LINGO2: variants seen among roughly 807,000 people sequenced by gnomAD.
LINGO2 encodes the protein leucine rich repeat and Ig domain containing 2.
LINGO2 carries 14 observed loss-of-function variants against 30.6 expected under a neutral mutation model. The observed-to-expected ratio is 0.46, with a 90% CI of 0.30 to 0.72. LINGO2 has a LOEUF of 0.72. LINGO2 is among the 30% of genes least tolerant of loss of function. LINGO2 has a pLI of 0.07. For missense variants in LINGO2, 729 were observed against 751.7 expected (o/e 0.97, Z 0.35); for synonymous variants, 317 against 288.5 (o/e 1.10, Z -1.00).
At chr9:28,162,761 T>A (rs1045809992) in intron 4 of LINGO2, among the ~76,000 whole-genome samples, 1 of 152,118 alleles carries the variant, frequency 6.6e-6, no homozygotes, top group African/African-American at 2.4e-5. Context: ...GAGATCCTAC[T>A]ATGTGGCTGT....
At chr9:28,756,006 C>G in the LINGO2 span, among the ~76,000 whole-genome samples, 2 of 152,016 alleles carry the variant, frequency 1.3e-5, no homozygotes, top group African/African-American at 2.4e-5. Flanking sequence ...GAACCATAAT[C>G]TCAATAATTA....
chr9:28,312,436 A>G (rs529112483), intron 3 of LINGO2, among the ~76,000 whole-genome samples: 2 of 152,158 alleles, frequency 1.3e-5, no homozygotes, highest in African/African-American at 4.8e-5. Context: ...AATTTTCAGG[A>G]AAAAATCACG....
At chr9:28,524,103 A>T (rs1391641756) in intron 1 of LINGO2, among the ~76,000 whole-genome samples, 1 of 152,168 alleles carries the variant, frequency 6.6e-6, no homozygotes, top group Non-Finnish European at 1.5e-5. Context: ...TAGAATTGAG[A>T]CTCATTATAA....
the LINGO2 span, among the ~76,000 whole-genome samples, chr9:29,156,685 G>A: frequency 2.6e-5 from 4 of 151,992 alleles, no homozygotes; most frequent in East Asian, 3.9e-4. Context: ...CATTACTAAC[G>A]TAATACTTTA....
chr9:28,348,683 A>T (rs1587511311), intron 3 of LINGO2, among the ~76,000 whole-genome samples: 2 of 151,870 alleles, frequency 1.3e-5, no homozygotes, highest in South Asian at 4.2e-4. Flanking sequence ...TGTAGGCTCC[A>T]CCTCTGGGGG....
chr9:28,743,952 A>T, the LINGO2 span, among the ~76,000 whole-genome samples: 3 of 151,442 alleles, frequency 2.0e-5, no homozygotes, highest in African/African-American at 7.3e-5. Flanking sequence ...ATGTTGGTGT[A>T]CTTAAATATT....
chr9:28,749,791 G>A, the LINGO2 span, among the ~76,000 whole-genome samples: 80 of 152,140 alleles, frequency 5.3e-4, no homozygotes, highest in African/African-American at 1.9e-3. Flanking sequence ...GAATGAGTAC[G>A]TGAAAAGAGT....
At chr9:28,713,165 C>G in the LINGO2 span, among the ~76,000 whole-genome samples, 1 of 152,118 alleles carries the variant, frequency 6.6e-6, no homozygotes, top group Non-Finnish European at 1.5e-5. Context: ...TGCCCGGCCT[C>G]AATTCCTAAT....
the LINGO2 span, among the ~76,000 whole-genome samples, chr9:29,196,763 A>C: frequency 2.6e-5 from 4 of 152,090 alleles, no homozygotes; most frequent in Non-Finnish European, 4.4e-5. Flanking sequence ...AGTATATGAA[A>C]AATTTTCTAA....
At chr9:28,038,857 T>C (rs989872360) in intron 4 of LINGO2, among the ~76,000 whole-genome samples, 4 of 152,214 alleles carry the variant, frequency 2.6e-5, no homozygotes, top group Admixed American at 2.0e-4. Context: ...CACAGCAATA[T>C]TTTTAAAATT....
chr9:28,896,357 A>G, the LINGO2 span, among the ~76,000 whole-genome samples: 1 of 152,122 alleles, frequency 6.6e-6, no homozygotes, highest in Non-Finnish European at 1.5e-5. Context: ...ATTTTAGTTC[A>G]TGTTTTCCTG....
chr9:28,396,714 A>AAAAAAAAAAAAG (rs1311221613), intron 2 of LINGO2, among the ~76,000 whole-genome samples: 8 of 149,286 alleles, frequency 5.4e-5, no homozygotes, highest in African/African-American at 1.7e-4. Context: ...AAAAAAAAAA[A>AAAAAAAAAAAAG]AAAAAAGTCC....
chr9:28,390,611 C>T (rs1054418336), intron 2 of LINGO2, among the ~76,000 whole-genome samples: 2 of 151,294 alleles, frequency 1.3e-5, no homozygotes, highest in Non-Finnish European at 2.9e-5. Context: ...ATGGAGTTTA[C>T]GATCACAGCC....
chr9:28,336,488 ACACT>A (rs1221274641), intron 3 of LINGO2, among the ~76,000 whole-genome samples: 1 of 152,156 alleles, frequency 6.6e-6, no homozygotes, highest in Non-Finnish European at 1.5e-5. Context: ...CCTTTACCTG[ACACT>A]AGGTCATAAA....
At chr9:28,366,190 T>A (rs1453347751) in intron 3 of LINGO2, among the ~76,000 whole-genome samples, 1 of 152,180 alleles carries the variant, frequency 6.6e-6, no homozygotes. Flanking sequence ...GGTTGTTGCA[T>A]CTGTGAAGAA....
chr9:29,003,253 G>C, the LINGO2 span, among the ~76,000 whole-genome samples: 1 of 152,010 alleles, frequency 6.6e-6, no homozygotes, highest in Non-Finnish European at 1.5e-5. Flanking sequence ...GTGGTACTTT[G>C]TTACAGCAGC....
Position 28,304,134 on chromosome 9 carries a change from AT to A in LINGO2, c.-245-8769del, listed in dbSNP as rs1824252307. 7.2e-5 allele frequency among the ~76,000 whole-genome samples: 11 copies of A among 151,846 alleles called. No homozygotes were observed. The South Asian group carries it at 2.3e-3, about 32-fold the overall frequency. Reference sequence around the variant, plus strand: ...TGAGATGTGGATCTCCTTCTGATGAATTCTTTTTCTGCTTATGACAGCCAGA... The same window carrying A: ...TGAGATGTGGATCTCCTTCTGATGAATCTTTTTCTGCTTATGACAGCCAGA... On this transcript the variant is annotated intron_variant, in intron 3 of 5. Transcript: ENST00000379992.
At chr9:28,163,813 G>A (rs1370894087) in intron 4 of LINGO2, among the ~76,000 whole-genome samples, 1 of 152,078 alleles carries the variant, frequency 6.6e-6, no homozygotes, top group Non-Finnish European at 1.5e-5. Flanking sequence ...GATCCAACTT[G>A]CCTATTTACA....
upstream of LINGO2, among the ~76,000 whole-genome samples, chr9:28,672,487 A>G (rs898992666): frequency 1.2e-4 from 18 of 152,198 alleles, 1 homozygote; most frequent in African/African-American, 4.3e-4. Context: ...AGATATGTAC[A>G]CTGTCACACT....
Sources: gnomAD v4.1 joint callset for allele counts (sites outside exome capture counted in the v4.1 genomes callset) on GRCh38, gnomAD v4.1.1 for gene constraint, MANE v1.5 for transcripts, NCBI Gene and HGNC (gene_info 2026-07-23, HGNC 2026-07-21) for gene names.